The following SLC4A9 variants were observed in gnomAD, a reference collection of about 807,000 sequenced individuals.
SLC4A9 encodes solute carrier family 4 member 9.
A neutral mutation model predicts 103.2 loss-of-function variants in SLC4A9; 102 were observed. The ratio of observed to expected loss-of-function variants is 0.99; its 90% confidence interval spans 0.84 to 1.17. SLC4A9 has a LOEUF of 1.17. SLC4A9 is among the 50% of genes most tolerant of loss of function. The pLI, the probability that SLC4A9 is intolerant of heterozygous loss-of-function variation, is 0.00. For missense variants in SLC4A9, 1,091 were observed against 1,193.7 expected (o/e 0.91, Z 1.27); for synonymous variants, 453 against 483.6 (o/e 0.94, Z 0.83).
At position 140,362,019 on chromosome 5, in the gene SLC4A9, T is replaced by C; in HGVS notation, c.564T>C (p.Cys188=). 3 of 1,612,856 alleles carry C rather than the reference T, an allele frequency of 1.9e-6. No homozygotes were observed. Among genetic ancestry groups the C allele is most frequent in the Non-Finnish European group, 2.5e-6 (3 of 1,179,578 alleles). The part of the protein sequence containing the change: ...DNEEAPLREQ[C]QNPLRQKLPP... ...TGTCTCCTTGAACCCCCATCCAGTGTCAGAACCCCCTGAGACAGAAGCTAC... is the reference window on the plus strand; with the variant it reads ...TGTCTCCTTGAACCCCCATCCAGTGCCAGAACCCCCTGAGACAGAAGCTAC... The change falls in exon 5 of 22, where the codon TGT becomes TGC. Residue 188 remains cysteine, a splice_region_variant and synonymous_variant. Transcript: ENST00000506757.
chr5:140,363,809 G>A lies in SLC4A9; in HGVS notation c.1161G>A (p.Gln387=). The A allele has an allele frequency of 6.2e-7, 1 of 1,613,990 alleles. No individual in the cohort carries two copies. Among genetic ancestry groups the A allele is most frequent in the Non-Finnish European group, 8.5e-7 (1 of 1,179,866 alleles). The stretch of plus-strand genomic sequence containing the variant: ...ATTTCTTGGACGCCCTGCATCTCCA[G>A]TGCTTCTCGGCCGTACTCTACATTT... The part of the protein sequence containing the change: ...PSDFLDALHL[Q]CFSAVLYIYL... The change falls in exon 9 of 22, where the codon CAG becomes CAA. Residue 387 remains glutamine, a synonymous_variant. Transcript: ENST00000506757. This position sits in a 1 kb window ranked among gnomAD's most constrained non-coding sequence, Gnocchi z 4.5.
chr5:140,365,852 G>A lies in SLC4A9; in HGVS notation c.1729G>A (p.Ala577Thr), dbSNP rs1452994329. Residue 577 changes from alanine to threonine, a missense_variant, in exon 13 of 22, where the codon GCA (alanine) becomes ACA (threonine). Ala to Thr is a moderately conservative substitution (Grantham distance 58). Transcript: ENST00000506757. ...IVSMDLGLIN[A>T]SLLPPPECTR... ...TGTACAGGACTTAGGCCTGATCAAT[G>A]CATCCTTGCTGCCGCCACCTGAGTG... is the stretch of plus-strand genomic sequence containing the variant. The A allele has an allele frequency of 1.2e-6, 2 of 1,613,720 alleles. No individual in the cohort carries two copies. Among genetic ancestry groups the A allele is most frequent in the South Asian group, 2.2e-5 (2 of 91,058 alleles).
In SLC4A9 at chr5:140,361,881, G is replaced by T. The variant is rs1476482132; in HGVS notation, c.561+18G>T. 6.2e-7 allele frequency: 1 copy of T among 1,613,226 alleles called. No individual in the cohort carries two copies. On this transcript the variant is annotated intron_variant, in intron 4 of 21. Coordinates refer to ENST00000506757, the MANE Select transcript of SLC4A9 (RefSeq NM_031467.3). ...GGGAACAGGTTTGTGGCCCTTCCTT[G>T]GGGTCCCTTTCCAGTGGCTGGGAGA...
rs375557640 is a variant in SLC4A9 at position 140,363,081 on chromosome 5, T to C, written c.962+15T>C. ...CAGCACAAAAGGTACCTGGGAGCCA[T>C]CATCCCATACAGATTCCTGCCCATA... On this transcript the variant is annotated intron_variant, in intron 7 of 21. Coordinates refer to ENST00000506757, the MANE Select transcript of SLC4A9 (RefSeq NM_031467.3). This position sits in a 1 kb window ranked among gnomAD's most constrained non-coding sequence, Gnocchi z 4.5. 6.2e-6 allele frequency: 10 copies of C among 1,611,914 alleles called. No individual in the cohort carries two copies. Among genetic ancestry groups the C allele is most frequent in the Non-Finnish European group, 7.6e-6 (9 of 1,179,380 alleles).
chr5:140,364,200 C>T lies in SLC4A9; in HGVS notation c.1388+13C>T. The T allele has an allele frequency of 6.4e-7, 1 of 1,562,194 alleles. No individual in the cohort carries two copies. Among genetic ancestry groups the T allele is most frequent in the Non-Finnish European group, 8.7e-7 (1 of 1,153,308 alleles). On this transcript the variant is annotated intron_variant, in intron 10 of 21. Coordinates refer to ENST00000506757, the MANE Select transcript of SLC4A9 (RefSeq NM_031467.3). ...TCTCTTTCAGCAGGTAGGAGAGCTCCCCCCATCACCGGACCCTCACTAGTG... is the reference window on the plus strand; with the variant it reads ...TCTCTTTCAGCAGGTAGGAGAGCTCTCCCCATCACCGGACCCTCACTAGTG...
chr5:140,368,683 A>G, intron 17 of SLC4A9, 24 bp downstream of exon 17: 3 of 1,604,544 alleles, frequency 1.9e-6, no homozygotes, highest in Non-Finnish European at 2.6e-6. Flanking sequence ...ACAAGCCAGG[A>G]TCAGGGTCAG....
chr5:140,361,799 G>T lies in SLC4A9; in HGVS notation c.506-9G>T. On this transcript the variant is annotated splice_polypyrimidine_tract_variant and intron_variant, in intron 3 of 21. Coordinates refer to ENST00000506757, the MANE Select transcript of SLC4A9 (RefSeq NM_031467.3). ...GTGGTCTTAATCACTGCATAATCCT[G>T]TTTTGTAGGCTCTACTCATCCAAGA... 3.7e-6 allele frequency: 6 copies of T among 1,613,960 alleles called. No individual in the cohort carries two copies. Among genetic ancestry groups the T allele is most frequent in the Non-Finnish European group, 5.1e-6 (6 of 1,179,858 alleles).
chr5:140,362,912 C>A lies in SLC4A9; in HGVS notation c.808C>A (p.Gln270Lys). 6.2e-7 allele frequency: 1 copy of A among 1,613,996 alleles called. No homozygotes were observed. The highest frequency in any genetic ancestry group is 1.7e-5 in the Admixed American group (1 of 60,010). The change falls in exon 7 of 22, where the codon CAA becomes AAA. Residue 270 changes from glutamine to lysine, a missense_variant and splice_region_variant. Coordinates refer to ENST00000506757, the MANE Select transcript of SLC4A9 (RefSeq NM_031467.3). ...ACCCATTCTGTGCCCCCATTCCCAG[C>A]AATTCCAGTGGTCAGTTCGTCGGGC... is the stretch of plus-strand genomic sequence containing the variant. The part of the protein sequence containing the change: ...RAAAVLLSDP[Q>K]FQWSVRRASN...
Position 140,360,802 on chromosome 5 carries a change from T to TG in SLC4A9, c.231-10_231-9insG. On this transcript the variant is annotated splice_polypyrimidine_tract_variant and intron_variant, in intron 1 of 21. Coordinates refer to ENST00000506757, the MANE Select transcript of SLC4A9 (RefSeq NM_031467.3). ...CCCTCAATAACACTGTCTACCCACC[T>TG]TCATCACAGGTGGGTACTGTTTGAG... 1.2e-6 allele frequency: 2 copies of TG among 1,613,396 alleles called. No individual in the cohort carries two copies. Among genetic ancestry groups the TG allele is most frequent in the African/African-American group, 2.7e-5 (2 of 75,018 alleles).
At chr5:140,371,265 G>C (rs1443249346) in intron 18 of SLC4A9, 102 bp downstream of exon 18, 1 of 1,429,628 alleles carries the variant, frequency 7.0e-7, no homozygotes, top group African/African-American at 1.4e-5. Flanking sequence ...TTTCTTTTCT[G>C]CTGGCATCTC....
At position 140,364,376 on chromosome 5, in the gene SLC4A9, G is replaced by T. The variant is rs900458014; in HGVS notation, c.1402G>T (p.Asp468Tyr). The T allele has an allele frequency of 8.1e-6, 13 of 1,612,862 alleles. No homozygotes were observed. The highest frequency in any genetic ancestry group is 1.0e-5 in the Non-Finnish European group (12 of 1,179,872). Residue 468 changes from aspartate (D) to tyrosine (Y), a missense_variant, in exon 11 of 22, where the codon GAC becomes TAC. Asp to Tyr is a radical substitution (Grantham distance 160, BLOSUM62 -3). Transcript: ENST00000506757. ...TCATCCCCACAGAGATTACAGCCTG[G>T]ACTACCTGCCCTTCCGCCTATGGGT... is the stretch of plus-strand genomic sequence containing the variant. ...LFSFSRDYSL[D>Y]YLPFRLWVGI...
rs544598738 is a variant in SLC4A9 at position 140,360,682 on chromosome 5, G to C, written c.231-130G>C. 1.2e-4 allele frequency: 163 copies of C among 1,413,082 alleles called. 1 individual carries two copies. The highest frequency in any genetic ancestry group is 2.0e-4 in the Middle Eastern group (1 of 4,886). 87.5% of individuals were successfully genotyped at this position (1,413,082 alleles called of 1,614,324 possible). A position where few individuals can be genotyped will look rare whatever the true frequency, so the allele number is the denominator to read the frequency against. ...CTAGATGAGGGGTGACTGCCAGGGTGGGGGGGAGACTTCACACCACTGGGC... is the reference window on the plus strand; with the variant it reads ...CTAGATGAGGGGTGACTGCCAGGGTCGGGGGGAGACTTCACACCACTGGGC... On this transcript the variant is annotated intron_variant, in intron 1 of 21. Transcript: ENST00000506757.
chr5:140,365,778 G>A, intron 12 of SLC4A9, 56 bp from the exon 13 acceptor site: 1 of 1,562,806 alleles, frequency 6.4e-7, no homozygotes, highest in Non-Finnish European at 8.7e-7. Flanking sequence ...TGGTCCAGGA[G>A]AGCAGGACAT....
At position 140,360,443 on chromosome 5, in the gene SLC4A9, G is replaced by C; in HGVS notation, c.207G>C (p.Ala69=). The C allele has an allele frequency of 6.3e-7, 1 of 1,584,366 alleles. No individual in the cohort carries two copies. The highest frequency in any genetic ancestry group is 2.3e-5 in the East Asian group (1 of 43,258). ...ATGAGCTGCTGGGCTGGCCCCAGGCGCTGGAGTGGAGAGAGACAGGCAGGT... is the reference window on the plus strand; with the variant it reads ...ATGAGCTGCTGGGCTGGCCCCAGGCCCTGGAGTGGAGAGAGACAGGCAGGT... The part of the protein sequence containing the change: ...QLNELLGWPQ[A]LEWRETGRWV... The change falls in exon 1 of 22, where the codon GCG becomes GCC. Residue 69 remains alanine (A), a synonymous_variant. Transcript: ENST00000506757.
chr5:140,372,770 C>A lies in SLC4A9; in HGVS notation c.2852C>A (p.Ala951Asp). 6.3e-7 allele frequency: 1 copy of A among 1,580,024 alleles called. No individual in the cohort carries two copies. Among genetic ancestry groups the A allele is most frequent in the African/African-American group, 1.3e-5 (1 of 74,400 alleles). ...EDSELMYQPKAPEINISVN is the reference protein window; with the variant it reads ...EDSELMYQPKDPEINISVN The stretch of plus-strand genomic sequence containing the variant: ...TCAGAGCTGATGTATCAGCCAAAGG[C>A]TCCAGAAATCAACATTTCTGTGAAT... Residue 951 changes from alanine (A) to aspartate (D), a missense_variant, in exon 21 of 22, where the codon GCT becomes GAT. By Grantham distance (126) the Ala-to-Asp change is moderately radical (BLOSUM62 -2). Transcript: ENST00000506757.
intron 18 of SLC4A9, 105 bp from the exon 19 acceptor site, chr5:140,371,346 C>A: frequency 6.7e-7 from 1 of 1,483,994 alleles, no homozygotes; most frequent in Non-Finnish European, 9.3e-7. Context: ...ACTCGGCTGC[C>A]ATGCTCTCTG....
Position 140,361,284 on chromosome 5 carries a change from C to T in SLC4A9, c.422C>T (p.Pro141Leu), listed in dbSNP as rs1387867159. 1.3e-6 allele frequency: 2 copies of T among 1,570,668 alleles called. No homozygotes were observed. The highest frequency in any genetic ancestry group is 2.4e-5 in the South Asian group (2 of 85,084). The change falls in exon 3 of 22, where the codon CCA (proline) becomes CTA (leucine). Residue 141 changes from proline to leucine, a missense_variant. Coordinates refer to ENST00000506757, the MANE Select transcript of SLC4A9 (RefSeq NM_031467.3). The part of the protein sequence containing the change: ...EQVTRVESLS[P>L]ELRGQLQALL... ...GTGACCAGGGTGGAGTCGCTGAGCC[C>T]AGAGCTGAGAGGGCAGTTGCAGGCC... is the stretch of plus-strand genomic sequence containing the variant.
intron 1 of SLC4A9, 30 bp downstream of exon 1, chr5:140,360,496 A>G (rs775297470): frequency 3.9e-6 from 6 of 1,537,478 alleles, no homozygotes; most frequent in Non-Finnish European, 5.3e-6. Context: ...GTTCTGTGGG[A>G]TCCTTCCCCT....
Position 140,362,435 on chromosome 5 carries a change from C to G in SLC4A9, c.720-10C>G. The G allele has an allele frequency of 6.2e-7, 1 of 1,613,480 alleles. No homozygotes were observed. The highest frequency in any genetic ancestry group is 8.5e-7 in the Non-Finnish European group (1 of 1,179,462). The stretch of plus-strand genomic sequence containing the variant: ...GCCTGTGAATCTCTGGGGCCTGGTT[C>G]CTTCCTCAGGTTTTTCTGCCTTCTC... On this transcript the variant is annotated splice_polypyrimidine_tract_variant and intron_variant, in intron 5 of 21. Transcript: ENST00000506757.
Sources: allele counts gnomAD v4.1 joint callset, GRCh38; gene constraint gnomAD v4.1.1; non-coding constraint Gnocchi (gnomAD v3.1); transcripts MANE v1.5; gene names NCBI Gene and HGNC (gene_info 2026-07-23, HGNC 2026-07-21).